Variants in NTRK2 observed in about 807,000 individuals in gnomAD.
NTRK2 encodes BDNF/NT-3 growth factors receptor.
NTRK2 carries 13 observed loss-of-function variants against 94.5 expected under a neutral mutation model. That is an observed-to-expected ratio of 0.14 (90% CI 0.09 to 0.22). NTRK2 has a LOEUF of 0.22. NTRK2 is among the 10% of genes least tolerant of loss of function. The pLI, the probability that NTRK2 is intolerant of heterozygous loss-of-function variation, is 1.00. For missense variants in NTRK2, 639 were observed against 1,071.2 expected (o/e 0.60, Z 5.63); for synonymous variants, 372 against 407.4 (o/e 0.91, Z 1.05).
intron 2 of NTRK2, among the ~76,000 whole-genome samples, chr9:84,696,537 A>G (rs1034652821): frequency 1.3e-5 from 2 of 152,224 alleles, no homozygotes; most frequent in African/African-American, 4.8e-5. Flanking sequence ...CTAAGTGAGC[A>G]GACATTCCTT....
chr9:84,712,863 A>C (rs902319871), intron 6 of NTRK2, among the ~76,000 whole-genome samples: 3 of 152,182 alleles, frequency 2.0e-5, no homozygotes, highest in African/African-American at 7.2e-5. Context: ...TAATTAATTA[A>C]GTGTTCCATA....
At chr9:84,934,094 A>G (rs2132715962) in intron 14 of NTRK2, 68 bp from the exon 15 acceptor site, 1 of 1,593,768 alleles carries the variant, frequency 6.3e-7, no homozygotes, top group Non-Finnish European at 8.6e-7. Flanking sequence ...CAGGCCACCA[A>G]CTCTTCACCC....
chr9:84,818,331 C>T (rs80125502), intron 12 of NTRK2, among the ~76,000 whole-genome samples: 8,740 of 152,212 alleles, frequency 0.057, 346 homozygotes, highest in East Asian at 0.17. Flanking sequence ...ATTTGAAAGA[C>T]GGTGGTAACT....
intron 15 of NTRK2, among the ~76,000 whole-genome samples, chr9:84,939,511 T>A (rs2078331096): frequency 6.6e-6 from 1 of 151,684 alleles, no homozygotes; most frequent in Non-Finnish European, 1.5e-5. Flanking sequence ...TATAAAGGAG[T>A]GTGTTAGTTA....
At chr9:85,018,082 A>C (rs1267846705) in intron 17 of NTRK2, among the ~76,000 whole-genome samples, 1 of 152,128 alleles carries the variant, frequency 6.6e-6, no homozygotes, top group Non-Finnish European at 1.5e-5. Flanking sequence ...TTCCCATAAA[A>C]TGCTTGCTGT....
chr9:84,924,514 CG>C (rs951792448), intron 14 of NTRK2, among the ~76,000 whole-genome samples: 4 of 152,106 alleles, frequency 2.6e-5, no homozygotes, highest in Non-Finnish European at 5.9e-5. Flanking sequence ...ATTGTTCCAG[CG>C]GGGAGAGCTG....
intron 17 of NTRK2, among the ~76,000 whole-genome samples, chr9:85,012,387 C>T (rs1831717212): frequency 6.6e-6 from 1 of 152,102 alleles, no homozygotes; most frequent in South Asian, 2.1e-4. Flanking sequence ...CAAACACGGT[C>T]ACTTAACTTC....
At chr9:84,814,459 T>C (rs936135499) in intron 12 of NTRK2, 1 of 1,065,862 alleles carries the variant, frequency 9.4e-7, no homozygotes, top group South Asian at 4.5e-5. Context: ...TCTCTCTCTC[T>C]AGTATTCTAA....
intron 2 of NTRK2, among the ~76,000 whole-genome samples, chr9:84,698,014 CATA>C (rs1195683344): frequency 1.3e-5 from 2 of 151,960 alleles, no homozygotes; most frequent in Non-Finnish European, 2.9e-5. Context: ...AGTATAATGA[CATA>C]ATAACTTTAT....
intron 14 of NTRK2, among the ~76,000 whole-genome samples, chr9:84,910,442 A>G (rs143371725): frequency 2.0e-5 from 3 of 151,972 alleles, no homozygotes; most frequent in East Asian, 1.9e-4. Context: ...CCCTTTTCAC[A>G]TGTCTGTGTC....
intron 2 of NTRK2, among the ~76,000 whole-genome samples, chr9:84,680,013 G>A (rs1230872601): frequency 6.6e-6 from 1 of 152,070 alleles, no homozygotes; most frequent in Non-Finnish European, 1.5e-5. Context: ...GACCTCTTTG[G>A]TTAGTCTCTG....
At chr9:84,877,059 A>C in intron 14 of NTRK2, 1 of 1,063,822 alleles carries the variant, frequency 9.4e-7, no homozygotes, top group Non-Finnish European at 1.1e-6. Context: ...GACAGTGGCC[A>C]AGTAGCAGGC....
intron 6 of NTRK2, 46 bp from the exon 7 acceptor site, chr9:84,723,527 A>G (rs1426038439): frequency 6.2e-7 from 1 of 1,609,932 alleles, no homozygotes; most frequent in Non-Finnish European, 8.5e-7. Context: ...TTGATACTGC[A>G]TTTAACTATT....
At chr9:85,010,610 C>A (rs974032861) in intron 17 of NTRK2, among the ~76,000 whole-genome samples, 3 of 152,182 alleles carry the variant, frequency 2.0e-5, no homozygotes, top group Admixed American at 1.3e-4. Context: ...TTCCATTGAT[C>A]CACTTGGGAA....
intron 14 of NTRK2, among the ~76,000 whole-genome samples, chr9:84,922,189 G>A (rs1040569754): frequency 3.3e-5 from 5 of 152,102 alleles, no homozygotes; most frequent in East Asian, 1.9e-4. Flanking sequence ...TCTTTCATGC[G>A]GACACGTCTT....
intron 17 of NTRK2, among the ~76,000 whole-genome samples, chr9:85,000,444 T>C (rs1186961378): frequency 6.6e-6 from 1 of 152,212 alleles, no homozygotes; most frequent in Non-Finnish European, 1.5e-5. Flanking sequence ...CTTTTTTTAC[T>C]GTCTCCGTCG....
At chr9:84,994,570 ACC>A (rs1274298311) in intron 17 of NTRK2, among the ~76,000 whole-genome samples, 9 of 152,176 alleles carry the variant, frequency 5.9e-5, no homozygotes, top group African/African-American at 2.2e-4. Context: ...CTTTATTGTT[ACC>A]ACTCCCAGAT....
chr9:84,917,723 T>C (rs777251834), intron 14 of NTRK2, among the ~76,000 whole-genome samples: 1 of 152,180 alleles, frequency 6.6e-6, no homozygotes, highest in Non-Finnish European at 1.5e-5. Context: ...TTATCACATA[T>C]AATGACAATA....
At chr9:84,680,164 G>A (rs1587886591) in intron 2 of NTRK2, among the ~76,000 whole-genome samples, 1 of 152,174 alleles carries the variant, frequency 6.6e-6, no homozygotes, top group East Asian at 1.9e-4. Context: ...CATGCAAAAA[G>A]TAGTTCAGTG....
Sources: gnomAD v4.1 joint callset for allele counts (sites outside exome capture counted in the v4.1 genomes callset) on GRCh38, gnomAD v4.1.1 for gene constraint, MANE v1.5 for transcripts, NCBI Gene and HGNC (gene_info 2026-07-23, HGNC 2026-07-21) for gene names.